Variants in DNAH5 observed in about 807,000 individuals in gnomAD.
DNAH5 encodes axonemal beta dynein heavy chain 5.
DNAH5 carries 372 observed loss-of-function variants against 518.2 expected under a neutral mutation model. The ratio of observed to expected loss-of-function variants is 0.72; its 90% CI spans 0.66 to 0.78. DNAH5 has a LOEUF of 0.78. Ranked by LOEUF, DNAH5 falls within the 30% of genes least tolerant of loss-of-function variation. DNAH5 has a pLI of 0.00. For synonymous variants in DNAH5, 2,039 were observed against 2,025.9 expected (o/e 1.01, Z -0.17); for missense variants, 5,523 against 5,687.0 (o/e 0.97, Z 0.93).
At chr5:13,912,606 C>T (rs1561557360) in intron 11 of DNAH5, among the ~76,000 whole-genome samples, 1 of 151,356 alleles carries the variant, frequency 6.6e-6, no homozygotes, top group African/African-American at 2.4e-5. Context: ...TATACATACA[C>T]ATGTAGCTTT....
In DNAH5 at chr5:13,735,112, T is replaced by C; in HGVS notation, c.11761+19A>G. 6.2e-7 allele frequency: 1 copy of C among 1,612,262 alleles called. No individual in the cohort carries two copies. The highest frequency in any genetic ancestry group is 8.5e-7 in the Non-Finnish European group (1 of 1,178,690). ...CTCCATCTGCACCTGTGCGCTATAG[T>C]CTCTATTCTTATATTGACCTTTAAT... On this transcript the variant is annotated intron_variant, in intron 68 of 78. Coordinates refer to ENST00000265104, the MANE Select transcript of DNAH5 (RefSeq NM_001369.3).
intron 23 of DNAH5, 35 bp downstream of exon 23, chr5:13,871,529 A>C: frequency 6.5e-7 from 1 of 1,539,132 alleles, no homozygotes; most frequent in Non-Finnish European, 9.0e-7. Context: ...AATAATGGCT[A>C]ATTTATATAA....
Position 13,981,021 on chromosome 5 carries a change from A to G in DNAH5, c.12+30627T>C, listed in dbSNP as rs1170066278. ...AGTGAGCCAACTTCTGATCCCCACT[A>G]TATAAAGTAGCAAGCCCTGACTCCC... On this transcript the variant is annotated intron_variant, in intron 1 of 78. Coordinates refer to the DNAH5 transcript ENST00000681290. Among the ~76,000 whole-genome samples the G allele has an allele frequency of 2.0e-5, 3 of 152,128 alleles. No homozygotes were observed. The East Asian group carries it at 5.8e-4, about 29-fold the overall frequency.
intron 52 of DNAH5, among the ~76,000 whole-genome samples, chr5:13,783,603 G>C (rs1176885384): frequency 2.0e-5 from 3 of 152,102 alleles, no homozygotes; most frequent in Non-Finnish European, 4.4e-5. Flanking sequence ...GCAGGAACTA[G>C]ATCATGCAAA....
intron 38 of DNAH5, among the ~76,000 whole-genome samples, chr5:13,829,020 T>C (rs1335044487): frequency 1.3e-5 from 2 of 152,198 alleles, no homozygotes; most frequent in African/African-American, 4.8e-5. Context: ...TATGTTTAAT[T>C]CCATGACTTT....
chr5:13,841,572 G>T, intron 33 of DNAH5, 120 bp downstream of exon 33: 1 of 774,550 alleles, frequency 1.3e-6, no homozygotes, highest in Non-Finnish European at 2.2e-6. Context: ...GGGTCCTTAT[G>T]AAAATCTTAA....
intron 30 of DNAH5, among the ~76,000 whole-genome samples, chr5:13,852,151 G>A (rs1561432906): frequency 6.6e-6 from 1 of 152,052 alleles, no homozygotes; most frequent in Non-Finnish European, 1.5e-5. Context: ...GGTAGACACT[G>A]AGCTAGCTGC....
At position 13,865,396 on chromosome 5, in the gene DNAH5, A is replaced by G. The variant is rs992878630; in HGVS notation, c.4355+272T>C. The stretch of plus-strand genomic sequence containing the variant: ...ATCTGACATTAACTTCAAATGTTTC[A>G]TAAGTGTAATATAAATAAAAATCAG... On this transcript the variant is annotated intron_variant, in intron 27 of 78. Coordinates refer to ENST00000265104, the MANE Select transcript of DNAH5 (RefSeq NM_001369.3). Among the ~76,000 whole-genome samples, 7 of 152,312 alleles carry G rather than the reference A, an allele frequency of 4.6e-5. No homozygotes were observed. The East Asian group carries it at 7.7e-4, about 17-fold the overall frequency.
chr5:13,716,787 CAG>C, intron 73 of DNAH5, 97 bp from the exon 74 acceptor site: 3 of 820,434 alleles, frequency 3.7e-6, no homozygotes, highest in Admixed American at 2.0e-5. Context: ...CAACATCATT[CAG>C]TCAGTCACTC....
intron 22 of DNAH5, among the ~76,000 whole-genome samples, chr5:13,872,633 C>A (rs1179018905): frequency 1.3e-5 from 2 of 152,072 alleles, no homozygotes; most frequent in African/African-American, 2.4e-5. Context: ...AAGTATGCAT[C>A]TGTAAAGATG....
rs373433500 is a variant in DNAH5, at chr5:13,752,246, T to A, written c.10916A>T (p.Asp3639Val). Residue 3639 changes from aspartate to valine, a missense_variant, in exon 64 of 79, where the codon GAC becomes GTC. By Grantham distance (152) the Asp-to-Val change is radical. Around this residue, in one of 3 missense-constraint regions of DNAH5, gnomAD observed 5,121 missense variants for 5,223.3 expected, o/e 0.98. Transcript: ENST00000265104. ...CAAAGGCCTTCCAAGAGAAAGGCTGTCTTCCAGGTGGTTTCTGAAGTACTT... is the reference window on the plus strand; with the variant it reads ...CAAAGGCCTTCCAAGAGAAAGGCTGACTTCCAGGTGGTTTCTGAAGTACTT... Reference protein sequence around the residue: ...NHKYFRNHLEDSLSLGRPLLI... With the variant: ...NHKYFRNHLEVSLSLGRPLLI... The A allele has an allele frequency of 6.2e-7, 1 of 1,613,962 alleles. No individual in the cohort carries two copies. The highest frequency in any genetic ancestry group is 1.3e-5 in the African/African-American group (1 of 74,916).
At chr5:13,749,668 A>C (rs1749928152) in intron 65 of DNAH5, among the ~76,000 whole-genome samples, 1 of 152,198 alleles carries the variant, frequency 6.6e-6, no homozygotes, top group South Asian at 2.1e-4. Context: ...AGGGCCCCTT[A>C]TCTCCATGAA....
At chr5:13,815,382 C>T (rs1014259691) in intron 42 of DNAH5, among the ~76,000 whole-genome samples, 1 of 152,166 alleles carries the variant, frequency 6.6e-6, no homozygotes, top group Non-Finnish European at 1.5e-5. Flanking sequence ...TAGTGTAATA[C>T]AATGGACTGA....
intron 3 of DNAH5, among the ~76,000 whole-genome samples, chr5:13,925,893 G>A (rs1042493394): frequency 2.0e-5 from 3 of 152,148 alleles, no homozygotes; most frequent in African/African-American, 4.8e-5. Flanking sequence ...GGGTTTGCTG[G>A]GATGCAGGAC....
At chr5:14,011,593 G>C (rs932694151) in intron 1 of DNAH5, among the ~76,000 whole-genome samples, 2 of 152,204 alleles carry the variant, frequency 1.3e-5, no homozygotes, top group East Asian at 1.9e-4. Context: ...CCGCGCATGC[G>C]CCGCGGCGGC....
intron 1 of DNAH5, among the ~76,000 whole-genome samples, chr5:13,985,867 C>T (rs1783018579): frequency 6.6e-6 from 1 of 152,218 alleles, no homozygotes; most frequent in African/African-American, 2.4e-5. Context: ...CCACAAATGG[C>T]CCGGGCTCTG....
In DNAH5 at chr5:13,915,480, G is replaced by A. The variant is rs557190907; in HGVS notation, c.1198-838C>T. Among the ~76,000 whole-genome samples, 3 of 152,164 alleles carry A rather than the reference G, an allele frequency of 2.0e-5. No homozygotes were observed. The East Asian group carries it at 5.8e-4, about 29-fold the overall frequency. Reference sequence around the variant, plus strand: ...TAATAACACACATTTACTTGTGGGTGTCATTTACCCAGGGAATACTCTCGC... The same window carrying A: ...TAATAACACACATTTACTTGTGGGTATCATTTACCCAGGGAATACTCTCGC... On this transcript the variant is annotated intron_variant, in intron 9 of 78. Coordinates refer to ENST00000265104, the MANE Select transcript of DNAH5 (RefSeq NM_001369.3).
intron 1 of DNAH5, among the ~76,000 whole-genome samples, chr5:13,931,495 G>T (rs1193639704): frequency 6.6e-6 from 1 of 152,100 alleles, no homozygotes; most frequent in Admixed American, 6.5e-5. Context: ...CTGCCATCCA[G>T]AAATTATTAT....
chr5:13,774,040 T>C (rs1443509226), intron 55 of DNAH5, among the ~76,000 whole-genome samples: 4 of 152,020 alleles, frequency 2.6e-5, no homozygotes, highest in East Asian at 3.9e-4. Context: ...CTGCTAAAGG[T>C]TGTGATTTTT....
Sources: allele counts gnomAD v4.1 joint callset (sites outside exome capture counted in the v4.1 genomes callset), GRCh38; gene constraint gnomAD v4.1.1; regional missense constraint gnomAD v4.1.1; transcripts MANE v1.5; gene names NCBI Gene and HGNC (gene_info 2026-07-23, HGNC 2026-07-21).